Variants in NANOGNB observed in about 807,000 individuals in gnomAD.
NANOGNB encodes NANOG neighbor homeobox, also known as homeobox C14.
Under a neutral mutation model 25.0 loss-of-function variants are expected in NANOGNB, and 30 were observed. The ratio of observed to expected loss-of-function variants is 1.20; its 90% CI spans 0.90 to 1.63. The LOEUF is 1.63. NANOGNB is among the 40% of genes most tolerant of loss of function. The pLI is 0.00. For synonymous variants in NANOGNB, 84 were observed against 62.1 expected, an observed-to-expected ratio of 1.35 and a Z score of -1.66; for missense variants, 200 against 188.1, an observed-to-expected ratio of 1.06 and a Z score of -0.37.
rs187979580 is a variant in NANOGNB at position 7,774,015 on chromosome 12, G to A, written c.*164G>A. 1,787 of 414,612 alleles carry A rather than the reference G, an allele frequency of 4.3e-3. 9 individuals carry two copies. Among genetic ancestry groups the A allele is most frequent in the Non-Finnish European group, 4.5e-3 (1,060 of 236,064 alleles). The allele number at this position is 414,612 out of a possible 1,614,324, so 25.7% of individuals were successfully genotyped here. A position where few individuals can be genotyped will look rare whatever the true frequency, so the allele number is the denominator to read the frequency against. On this transcript the variant is annotated 3_prime_UTR_variant, in exon 4 of 4. Coordinates refer to ENST00000382119, the MANE Select transcript of NANOGNB (RefSeq NM_001145465.1). ...TTCCGTGGAGTAGAACTAAATGAGG[G>A]GTATGCAAAGGAGTTTTTATGTGTT...
At position 7,770,406 on chromosome 12, in the gene NANOGNB, A is replaced by G. The variant is rs758406733; in HGVS notation, c.436-33A>G. 1.7e-5 allele frequency: 26 copies of G among 1,528,338 alleles called. No individual in the cohort carries two copies. The East Asian group carries it at 2.0e-4, about 12-fold the overall frequency. 94.7% of individuals were successfully genotyped at this position (1,528,338 alleles called of 1,614,324 possible). A position where few individuals can be genotyped will look rare whatever the true frequency, so the allele number is the denominator to read the frequency against. The stretch of plus-strand genomic sequence containing the variant: ...TATAGACCAATATCCTTATTCCTGT[A>G]TTAATCACCTCCCACACCTCATTTT... On this transcript the variant is annotated intron_variant, in intron 2 of 3. Transcript: ENST00000382119.
intron 3 of NANOGNB, among the ~76,000 whole-genome samples, chr12:7,773,546 CAA>C (rs869038102): frequency 0.15 from 2,237 of 14,822 alleles, 2 homozygotes; most frequent in Middle Eastern, 0.3. Flanking sequence ...ACTAAAAATA[CAA>C]AAAAAAAAAA....
chr12:7,770,499 C>A lies in NANOGNB; in HGVS notation c.496C>A (p.His166Asn). Residue 166 changes from histidine (H) to asparagine (N), a missense_variant, in exon 3 of 4, where the codon CAT becomes AAT. His to Asn is a moderately conservative substitution (Grantham distance 68, BLOSUM62 1). Transcript: ENST00000382119. ...KYNKEMSKRK[H>N]KKKHMRWRSL... is the part of the protein sequence containing the mutation. Reference sequence around the variant, plus strand: ...TAATAAAGAAATGTCCAAGAGAAAGCATAAGAAAAAACATATGAGGTAAGA... The same window carrying A: ...TAATAAAGAAATGTCCAAGAGAAAGAATAAGAAAAAACATATGAGGTAAGA... 1 of 1,505,818 alleles carries A rather than the reference C, an allele frequency of 6.6e-7. No homozygotes were observed. Among genetic ancestry groups the A allele is most frequent in the Admixed American group, 2.0e-5 (1 of 48,974 alleles). The allele number at this position is 1,505,818 out of a possible 1,614,324, so 93.3% of individuals were successfully genotyped here. A position where few individuals can be genotyped will look rare whatever the true frequency, so the allele number is the denominator to read the frequency against.
Position 7,770,115 on chromosome 12 carries a change from G to GA in NANOGNB, c.242dup (p.Asn81LysfsTer8), listed in dbSNP as rs1455893486. On this transcript the variant is annotated frameshift_variant, in exon 2 of 4. Coordinates refer to ENST00000382119, the MANE Select transcript of NANOGNB (RefSeq NM_001145465.1). LOFTEE classifies it high-confidence loss of function. ...CAGAAAGAGAGAACGAGAAAAAGAA[G>GA]AAAAAAACGAAAAGGAGCTGCAAGA... 1.1e-5 allele frequency: 17 copies of GA among 1,541,972 alleles called. No individual in the cohort carries two copies. Among genetic ancestry groups the GA allele is most frequent in the Non-Finnish European group, 1.2e-5 (14 of 1,139,332 alleles).
intron 3 of NANOGNB, among the ~76,000 whole-genome samples, chr12:7,770,974 C>T (rs1367630572): frequency 6.6e-6 from 1 of 152,152 alleles, no homozygotes; most frequent in African/African-American, 2.4e-5. Context: ...ATTTTTCACT[C>T]TACTCAAAAC....
Position 7,769,986 on chromosome 12 carries a change from C to T in NANOGNB, c.106C>T (p.Gln36Ter). 6.7e-7 allele frequency: 1 copy of T among 1,500,008 alleles called. No individual in the cohort carries two copies. Among genetic ancestry groups the T allele is most frequent in the Non-Finnish European group, 8.9e-7 (1 of 1,129,526 alleles). 92.9% of individuals were successfully genotyped at this position (1,500,008 alleles called of 1,614,324 possible). A position where few individuals can be genotyped will look rare whatever the true frequency, so the allele number is the denominator to read the frequency against. The part of the protein sequence containing the change: ...EIETILANKK[Q>*]SAMPWDQDPE... ...TTCCACGGATCTTTTTATACAGAAA[C>T]AATCAGCTATGCCTTGGGATCAAGA... The change falls in exon 2 of 4, where the codon CAA (glutamine) becomes TAA (stop). Residue 36 changes from glutamine to a stop codon, truncating the protein, a stop_gained. Coordinates refer to ENST00000382119, the MANE Select transcript of NANOGNB (RefSeq NM_001145465.1). LOFTEE classifies it high-confidence loss of function.
rs147278077 is a variant in NANOGNB at position 7,770,595 on chromosome 12, C to T, written c.515+77C>T. On this transcript the variant is annotated intron_variant, in intron 3 of 3. Coordinates refer to ENST00000382119, the MANE Select transcript of NANOGNB (RefSeq NM_001145465.1). ...TTCCGGAGTTGGTTTGTGTTTCCAT[C>T]ATTATTGGGTATGCCCATAAACTTT... 4.2e-3 allele frequency: 3,883 copies of T among 925,588 alleles called. 189 individuals carry two copies. The Admixed American group carries it at 0.083, about 20-fold the overall frequency. The allele number at this position is 925,588 out of a possible 1,614,324, so 57.3% of individuals were successfully genotyped here. A position where few individuals can be genotyped will look rare whatever the true frequency, so the allele number is the denominator to read the frequency against.
chr12:7,771,471 G>A (rs747311003), intron 3 of NANOGNB, among the ~76,000 whole-genome samples: 4 of 152,158 alleles, frequency 2.6e-5, no homozygotes, highest in South Asian at 2.1e-4. Context: ...CGCCTGCCTC[G>A]GCCTCCGAAA....
At chr12:7,769,927 T>G (rs1485464331) in intron 1 of NANOGNB, 56 bp from the exon 2 acceptor site, 2 of 1,264,306 alleles carry the variant, frequency 1.6e-6, no homozygotes, top group Non-Finnish European at 2.2e-6. Flanking sequence ...TTGACTATGC[T>G]CTGAAAGTCA....
chr12:7,771,066 C>T (rs138984343), intron 3 of NANOGNB, among the ~76,000 whole-genome samples: 1 of 152,232 alleles, frequency 6.6e-6, no homozygotes, highest in African/African-American at 2.4e-5. Flanking sequence ...CAGACATTAG[C>T]TTTTTATTGA....
chr12:7,770,091 A>C lies in NANOGNB; in HGVS notation c.211A>C (p.Arg71=). 1 of 1,541,954 alleles carries C rather than the reference A, an allele frequency of 6.5e-7. No homozygotes were observed. The highest frequency in any genetic ancestry group is 8.8e-7 in the Non-Finnish European group (1 of 1,139,422). Reference sequence around the variant, plus strand: ...ATGGAGAGAAGAAGGAGAAGCAGGCAGAAAGAGAGAACGAGAAAAAGAAGA... The same window carrying C: ...ATGGAGAGAAGAAGGAGAAGCAGGCCGAAAGAGAGAACGAGAAAAAGAAGA... ...QKWREEGEAG[R]KREREKEEKN... is the part of the protein sequence containing the mutation. Residue 71 remains arginine, a synonymous_variant, in exon 2 of 4, where the codon AGA becomes CGA. Transcript: ENST00000382119.
chr12:7,770,380 A>C (rs1027805378), intron 2 of NANOGNB, 59 bp from the exon 3 acceptor site: 24 of 1,521,876 alleles, frequency 1.6e-5, no homozygotes, highest in Non-Finnish European at 2.0e-5. Context: ...TACTATTGCT[A>C]TATAGACCAA....
intron 3 of NANOGNB, among the ~76,000 whole-genome samples, chr12:7,771,713 T>C (rs953024655): frequency 2.2e-4 from 33 of 151,140 alleles, no homozygotes; most frequent in Admixed American, 7.9e-4. Context: ...CTCTACCTCC[T>C]GGGTTCAAGC....
chr12:7,766,571 ATTTCTTTTCTTT>A (rs374776518), intron 1 of NANOGNB, among the ~76,000 whole-genome samples: 5 of 152,154 alleles, frequency 3.3e-5, no homozygotes, highest in Non-Finnish European at 7.4e-5. Flanking sequence ...TGGCCATTTG[ATTTCTTTTCTTT>A]TGTTTTTGTT....
rs1160346654 is a variant in NANOGNB, at chr12:7,766,348, C to T, written c.102+961C>T. On this transcript the variant is annotated intron_variant, in intron 1 of 3. Coordinates refer to ENST00000382119, the MANE Select transcript of NANOGNB (RefSeq NM_001145465.1). ...ATTAGCCGGGCTTGGTGAGGCACGCCTGTAGTCCCAGCTACTCAGGAGGCT... is the reference window on the plus strand; with the variant it reads ...ATTAGCCGGGCTTGGTGAGGCACGCTTGTAGTCCCAGCTACTCAGGAGGCT... 2.6e-5 allele frequency among the ~76,000 whole-genome samples: 4 copies of T among 152,254 alleles called. No individual in the cohort carries two copies. The South Asian group carries it at 6.2e-4, about 24-fold the overall frequency.
At chr12:7,767,325 G>A (rs1776675148) in intron 1 of NANOGNB, among the ~76,000 whole-genome samples, 1 of 150,424 alleles carries the variant, frequency 6.6e-6, no homozygotes. Flanking sequence ...ATCACATTCT[G>A]TAAAAGAAAT....
Position 7,774,026 on chromosome 12 carries a change from G to C in NANOGNB, c.*175G>C. On this transcript the variant is annotated 3_prime_UTR_variant, in exon 4 of 4. Transcript: ENST00000382119. Reference sequence around the variant, plus strand: ...AGAACTAAATGAGGGGTATGCAAAGGAGTTTTTATGTGTTTTATTTTTACC... The same window carrying C: ...AGAACTAAATGAGGGGTATGCAAAGCAGTTTTTATGTGTTTTATTTTTACC... 4.9e-6 allele frequency: 2 copies of C among 406,788 alleles called. No homozygotes were observed. Among genetic ancestry groups the C allele is most frequent in the Middle Eastern group, 7.2e-4 (2 of 2,766 alleles). The allele number at this position is 406,788 out of a possible 1,614,324, so 25.2% of individuals were successfully genotyped here. A position where few individuals can be genotyped will look rare whatever the true frequency, so the allele number is the denominator to read the frequency against.
chr12:7,773,496 T>C (rs1837922758), intron 3 of NANOGNB, among the ~76,000 whole-genome samples: 1 of 136,628 alleles, frequency 7.3e-6, no homozygotes, highest in South Asian at 2.3e-4. Context: ...AGGTCAGGAG[T>C]TTGGGACCAG....
intron 3 of NANOGNB, among the ~76,000 whole-genome samples, chr12:7,773,297 T>A (rs1044012696): frequency 9.9e-5 from 15 of 151,812 alleles, no homozygotes; most frequent in Non-Finnish European, 2.1e-4. Context: ...CATTTCTGCC[T>A]CCATAACTTT....
Sources: gnomAD v4.1 joint callset for allele counts (sites outside exome capture counted in the v4.1 genomes callset) on GRCh38, gnomAD v4.1.1 for gene constraint, MANE v1.5 for transcripts, NCBI Gene and HGNC (gene_info 2026-07-23, HGNC 2026-07-21) for gene names.